Variants in ZMPSTE24 observed in about 807,000 individuals in gnomAD.
The protein encoded by ZMPSTE24 is zinc metallopeptidase STE24, also known as CAAX prenyl protease 1 homolog.
Under a neutral mutation model 56.7 loss-of-function variants are expected in ZMPSTE24, and 48 were observed. The observed-to-expected ratio is 0.85, with a 90% confidence interval of 0.67 to 1.08. The LOEUF is 1.08. Among genes scored for constraint, ZMPSTE24 ranks in the 50% least tolerant of loss-of-function variants. The pLI is 0.00. For synonymous variants in ZMPSTE24, 172 were observed against 195.2 expected, an observed-to-expected ratio of 0.88 and a Z score of 0.99; for missense variants, 503 against 548.7, an observed-to-expected ratio of 0.92 and a Z score of 0.83.
intron 2 of ZMPSTE24, 66 bp from the exon 3 acceptor site, chr1:40,267,720 C>T: frequency 8.1e-7 from 1 of 1,228,206 alleles, no homozygotes; most frequent in Non-Finnish European, 1.2e-6. Context: ...TTCTTTATAC[C>T]ATGCTTTCTC....
chr1:40,265,557 A>T (rs1404250455), intron 2 of ZMPSTE24, among the ~76,000 whole-genome samples: 1 of 152,148 alleles, frequency 6.6e-6, no homozygotes, highest in Non-Finnish European at 1.5e-5. Context: ...AAAATTAGCC[A>T]AGTATGGTGG....
intron 8 of ZMPSTE24, among the ~76,000 whole-genome samples, chr1:40,286,821 G>A (rs1408567162): frequency 2.1e-5 from 3 of 145,062 alleles, no homozygotes; most frequent in African/African-American, 7.7e-5. Flanking sequence ...TCTGCCTCCC[G>A]GGTTCAAGCA....
chr1:40,262,536 T>C (rs1643507281), intron 2 of ZMPSTE24: 1 of 156,554 alleles, frequency 6.4e-6, no homozygotes, highest in Non-Finnish European at 1.4e-5. Flanking sequence ...TTTTTTTTTT[T>C]TTTTTAAATA....
At chr1:40,265,750 C>G (rs576478206) in intron 2 of ZMPSTE24, among the ~76,000 whole-genome samples, 2 of 152,276 alleles carry the variant, frequency 1.3e-5, no homozygotes, top group South Asian at 4.1e-4. Flanking sequence ...TAGTGTACAT[C>G]AGGTTTACCT....
intron 2 of ZMPSTE24, among the ~76,000 whole-genome samples, chr1:40,264,809 A>G (rs1343067322): frequency 1.4e-5 from 2 of 141,150 alleles, no homozygotes; most frequent in Non-Finnish European, 3.1e-5. Context: ...AGCCCAGGAG[A>G]TGGAGGCTGC....
intron 6 of ZMPSTE24, among the ~76,000 whole-genome samples, chr1:40,277,379 C>T (rs1401944320): frequency 6.6e-6 from 1 of 152,148 alleles, no homozygotes; most frequent in East Asian, 1.9e-4. Flanking sequence ...AGCCACCGCA[C>T]CCTGCCAGGG....
intron 6 of ZMPSTE24, among the ~76,000 whole-genome samples, chr1:40,280,159 T>G (rs1425700754): frequency 3.9e-5 from 6 of 152,106 alleles, no homozygotes; most frequent in Admixed American, 1.3e-4. Flanking sequence ...TGGTCGACAT[T>G]GAGTTCTTCG....
At position 40,280,420 on chromosome 1, in the gene ZMPSTE24, C is replaced by CT. The variant is rs869226147; in HGVS notation, c.770-911dup. The stretch of plus-strand genomic sequence containing the variant: ...CAAAGAAGAAAATTGCTTGAATTTG[C>CT]TTTTTTTTTTTTCTTTCTTTGTGAG... On this transcript the variant is annotated intron_variant, in intron 6 of 9. Transcript: ENST00000372759. 1.8e-3 allele frequency among the ~76,000 whole-genome samples: 258 copies of CT among 145,800 alleles called. 1 individual carries two copies. In the Middle Eastern group the frequency reaches 0.018, roughly 10 times the overall value.
Position 40,293,735 on chromosome 1 carries a change from GATA to G in ZMPSTE24, c.*1069_*1071del, listed in dbSNP as rs1643863863. 6.6e-6 allele frequency: 1 copy of G among 152,176 alleles called. No individual in the cohort carries two copies. The highest frequency in any genetic ancestry group is 1.5e-5 in the Non-Finnish European group (1 of 68,038). 9.4% of individuals were successfully genotyped at this position (152,176 alleles called of 1,614,324 possible). Reference sequence around the variant, plus strand: ...TGAAAATTACAGTTCTTGAAATGCAGATAATGTTTACTTTGAAAACAAATGTCA... The same window carrying G: ...TGAAAATTACAGTTCTTGAAATGCAGATGTTTACTTTGAAAACAAATGTCA... On this transcript the variant is annotated 3_prime_UTR_variant, in exon 10 of 10. Transcript: ENST00000372759.
intron 6 of ZMPSTE24, among the ~76,000 whole-genome samples, chr1:40,279,171 T>A (rs540893999): frequency 6.6e-6 from 1 of 152,210 alleles, no homozygotes; most frequent in Admixed American, 6.5e-5. Context: ...CTTCCAGTCT[T>A]TATAAAAATT....
intron 5 of ZMPSTE24, among the ~76,000 whole-genome samples, chr1:40,270,386 T>C (rs2124582350): frequency 6.6e-6 from 1 of 152,296 alleles, no homozygotes. Flanking sequence ...GTCAGGCAGT[T>C]TTGGGTTGTG....
chr1:40,269,717 A>G (rs1214396688), intron 4 of ZMPSTE24, among the ~76,000 whole-genome samples: 1 of 152,118 alleles, frequency 6.6e-6, no homozygotes, highest in African/African-American at 2.4e-5. Flanking sequence ...CCTCCCATCT[A>G]GGCCTTCCAA....
intron 1 of ZMPSTE24, 69 bp downstream of exon 1, chr1:40,258,463 C>T: frequency 6.2e-7 from 1 of 1,609,840 alleles, no homozygotes; most frequent in African/African-American, 1.3e-5. Context: ...GGCTTCGACC[C>T]TGAGACTCTT....
intron 6 of ZMPSTE24, among the ~76,000 whole-genome samples, chr1:40,273,536 AAATATATATAT>A (rs1274173260): frequency 1.3e-4 from 10 of 74,402 alleles, no homozygotes; most frequent in South Asian, 4.5e-4. Flanking sequence ...AAAAAAAAAA[AAATATATATAT>A]ATATATATAT....
intron 6 of ZMPSTE24, among the ~76,000 whole-genome samples, chr1:40,279,655 T>C (rs1250041520): frequency 6.6e-6 from 1 of 152,186 alleles, no homozygotes; most frequent in Non-Finnish European, 1.5e-5. Flanking sequence ...CATAGCCCAA[T>C]TTGTTCAACT....
At chr1:40,273,292 C>T (rs949053182) in intron 6 of ZMPSTE24, among the ~76,000 whole-genome samples, 8 of 151,684 alleles carry the variant, frequency 5.3e-5, no homozygotes, top group Non-Finnish European at 7.4e-5. Flanking sequence ...CCAAGGCAGG[C>T]GGATCACCTG....
intron 5 of ZMPSTE24, among the ~76,000 whole-genome samples, chr1:40,271,294 A>G (rs1056833853): frequency 1.3e-5 from 2 of 152,226 alleles, no homozygotes; most frequent in Admixed American, 1.3e-4. Context: ...TGGGATCAAG[A>G]TCAGAAAATG....
chr1:40,262,985 T>G (rs1643514000), intron 2 of ZMPSTE24: 1 of 1,000,926 alleles, frequency 1.0e-6, no homozygotes, highest in African/African-American at 1.7e-5. Context: ...TTAGATGAGG[T>G]AGACACTATT....
At chr1:40,283,943 T>C (rs199802228) in intron 7 of ZMPSTE24, among the ~76,000 whole-genome samples, 31 of 137,282 alleles carry the variant, frequency 2.3e-4, no homozygotes, top group Non-Finnish European at 3.4e-4. Flanking sequence ...TTCTTTCTTT[T>C]TTTTTTTTTT....
Sources: allele counts gnomAD v4.1 joint callset (sites outside exome capture counted in the v4.1 genomes callset), GRCh38; gene constraint gnomAD v4.1.1; transcripts MANE v1.5; gene names NCBI Gene and HGNC (gene_info 2026-07-23, HGNC 2026-07-21).